The following NBPF10 variants were observed in gnomAD, a reference collection of about 807,000 sequenced individuals.
NBPF10 encodes the protein NBPF family member NBPF10.
Under a neutral mutation model 77.9 loss-of-function variants are expected in NBPF10, and 63 were observed. The observed-to-expected ratio is 0.81, with a 90% confidence interval of 0.66 to 1.00. The LOEUF is 1.00. NBPF10 is among the 50% of genes least tolerant of loss of function. The probability of loss-of-function intolerance (pLI) is 0.00; values close to 1 mark genes in which losing one functional copy is unlikely to be tolerated. For synonymous variants in NBPF10, 146 were observed against 264.5 expected (o/e 0.55, Z 4.35); for missense variants, 522 against 679.8 (o/e 0.77, Z 2.58).
At chr1:146,135,957 C>T (rs1489806907) in intron 7 of NBPF10, among the ~76,000 whole-genome samples, 3 of 149,268 alleles carry the variant, frequency 2.0e-5, no homozygotes, top group African/African-American at 7.5e-5. Context: ...AGGACAGGGT[C>T]GAGAAGGCAA....
exon 14 of NBPF10, chr1:146,126,405 G>C: frequency 7.9e-7 from 1 of 1,260,462 alleles, no homozygotes; most frequent in Non-Finnish European, 1.2e-6. Flanking sequence ...GCTCCCTGCT[G>C]AGCGTGGAAA....
intron 71 of NBPF10, among the ~76,000 whole-genome samples, chr1:146,081,012 C>A (rs1210291932): frequency 1.2e-5 from 1 of 80,608 alleles, no homozygotes; most frequent in African/African-American, 3.3e-5. Context: ...CACACACACA[C>A]ACACACACAC....
At chr1:146,140,856 CCA>C (rs1182018802) in intron 3 of NBPF10, among the ~76,000 whole-genome samples, 1 of 94,842 alleles carries the variant, frequency 1.1e-5, no homozygotes, top group Admixed American at 1.1e-4. Flanking sequence ...CCCCATCCTG[CCA>C]CAGATCTGAT....
At position 146,069,536 on chromosome 1, in the gene NBPF10, T is replaced by C. The variant is rs2102051726; in HGVS notation, c.10810+7A>G. The C allele has an allele frequency of 6.6e-6, 6 of 905,216 alleles. No homozygotes were observed. The East Asian group carries it at 1.0e-4, about 15-fold the overall frequency. The allele number at this position is 905,216 out of a possible 1,614,324, so 56.1% of individuals were successfully genotyped here. A position where few individuals can be genotyped will look rare whatever the true frequency, so the allele number is the denominator to read the frequency against. The stretch of plus-strand genomic sequence containing the variant: ...GATCCTTATCACCTTCATAGAAAGG[T>C]ACTCACCATCCATGTCAACAGCCAA... On this transcript the variant is annotated splice_region_variant and intron_variant, in intron 86 of 89. Transcript: ENST00000583866.
chr1:146,126,264 C>G, exon 14 of NBPF10: 4 of 1,608,578 alleles, frequency 2.5e-6, no homozygotes, highest in East Asian at 2.2e-5. Flanking sequence ...AGCCAACACG[C>G]TGTTGCTCCA....
In NBPF10 at chr1:146,144,614, G is replaced by T. The variant is rs782340587; in HGVS notation, c.156C>A (p.Ala52=). The change falls in exon 1 of 90, where the codon GCC becomes GCA. Residue 52 remains alanine, a synonymous_variant. Coordinates refer to ENST00000583866, the Ensembl canonical transcript of NBPF10. ...TCTTACTGTATTTCTTCTGTCGGTT[G>T]GCCAGGAAGCCGGCCAGTTGAGTTA... 28 of 1,199,266 alleles carry T rather than the reference G, an allele frequency of 2.3e-5. 5 individuals are homozygous for T. The highest frequency in any genetic ancestry group is 3.1e-5 in the Non-Finnish European group (28 of 909,508). The allele number at this position is 1,199,266 out of a possible 1,614,324, so 74.3% of individuals were successfully genotyped here.
chr1:146,133,995 C>T (rs71241904), intron 9 of NBPF10, among the ~76,000 whole-genome samples, 198 bp downstream of exon 9: 4 of 150,736 alleles, frequency 2.7e-5, no homozygotes, highest in East Asian at 2.0e-4. Flanking sequence ...TATCCCTGTA[C>T]GGTGCAGACA....
At chr1:146,069,424 T>G (rs1338202257) in intron 86 of NBPF10, 119 bp downstream of exon 86, 9 of 537,214 alleles carry the variant, frequency 1.7e-5, no homozygotes, top group Middle Eastern at 5.0e-4. Context: ...TACATATGCC[T>G]ATAGGTCCTC....
intron 85 of NBPF10, 30 bp from the exon 86 acceptor site, chr1:146,069,745 G>C (rs782457178): frequency 6.2e-6 from 4 of 643,488 alleles, no homozygotes; most frequent in South Asian, 2.8e-5. Flanking sequence ...TAAAGAATAA[G>C]CCAGGGGGAA....
chr1:146,081,029 A>G (rs1656265266), intron 71 of NBPF10, among the ~76,000 whole-genome samples: 1 of 61,368 alleles, frequency 1.6e-5, no homozygotes, highest in African/African-American at 4.3e-5. Flanking sequence ...ACACACACAC[A>G]CAGAGAGAGA....
chr1:146,126,036 A>G (rs1553789769), intron 14 of NBPF10, among the ~76,000 whole-genome samples, 200 bp downstream of exon 14: 2 of 151,894 alleles, frequency 1.3e-5, no homozygotes, highest in South Asian at 4.2e-4. Flanking sequence ...GCCTGAGACT[A>G]GGAAGAGAGC....
At position 146,126,221 on chromosome 1, in the gene NBPF10, T is replaced by A; in HGVS notation, c.2026+15A>T. On this transcript the variant is annotated intron_variant, in intron 14 of 89. Coordinates refer to ENST00000583866, the Ensembl canonical transcript of NBPF10. ...ACTCAGTGGATCCTTATCACCTTCA[T>A]AGAAAGGTACTCACCATCCATGTCA... 2 of 1,567,842 alleles carry A rather than the reference T, an allele frequency of 1.3e-6. No individual in the cohort carries two copies. Among genetic ancestry groups the A allele is most frequent in the Non-Finnish European group, 1.8e-6 (2 of 1,140,300 alleles).
chr1:146,126,759 A>C (rs61816391), intron 13 of NBPF10, among the ~76,000 whole-genome samples: 86 of 136,594 alleles, frequency 6.3e-4, no homozygotes, highest in African/African-American at 2.3e-3. Flanking sequence ...ATAATTTTGC[A>C]TAAAATGTGC....
At chr1:146,126,529 G>A (rs1553790064) in intron 13 of NBPF10, 121 bp from the exon 14 acceptor site, 2 of 713,182 alleles carry the variant, frequency 2.8e-6, no homozygotes, top group African/African-American at 3.5e-5. Flanking sequence ...ATCCATTAAT[G>A]AGGTAACAAA....
chr1:146,127,195 C>G lies in NBPF10; in HGVS notation c.1802-116G>C, dbSNP rs1658824355. On this transcript the variant is annotated intron_variant, in intron 12 of 89. Transcript: ENST00000583866. Reference sequence around the variant, plus strand: ...GTCTTGTCAGTGTGAGAACAGGAGACTTTCAGAGAAATATTCCAGTAGGCC... The same window carrying G: ...GTCTTGTCAGTGTGAGAACAGGAGAGTTTCAGAGAAATATTCCAGTAGGCC... The G allele has an allele frequency of 8.2e-6, 5 of 611,042 alleles. 1 individual carries two copies. Among genetic ancestry groups the G allele is most frequent in the South Asian group, 4.9e-5 (3 of 61,358 alleles). 37.9% of individuals were successfully genotyped at this position (611,042 alleles called of 1,614,324 possible).
intron 10 of NBPF10, among the ~76,000 whole-genome samples, chr1:146,132,870 T>G (rs2102194910): frequency 1.1e-4 from 1 of 9,428 alleles, no homozygotes; most frequent in Admixed American, 8.8e-4. Flanking sequence ...GCCAAGATGG[T>G]GCCACTGCAC....
At chr1:146,128,000 T>G (rs1372769656) in intron 12 of NBPF10, 119 bp downstream of exon 12, 6 of 1,498,874 alleles carry the variant, frequency 4.0e-6, no homozygotes, top group Non-Finnish European at 5.6e-6. Context: ...CATTGATATA[T>G]AGGTTCAGCC....
At chr1:146,121,828 A>G (rs1658205562) in intron 19 of NBPF10, among the ~76,000 whole-genome samples, 158 bp from the exon 20 acceptor site, 2 of 149,530 alleles carry the variant, frequency 1.3e-5, no homozygotes, top group Admixed American at 1.3e-4. Context: ...GGGATAGAAC[A>G]GGGCCAGGTA....
chr1:146,065,635 TCTC>T (rs1654926250), exon 90 of NBPF10: 1 of 130,624 alleles, frequency 7.7e-6, no homozygotes, highest in Non-Finnish European at 1.6e-5. Context: ...TGACATGCTG[TCTC>T]CTGCCAGCGG....
Sources: allele counts gnomAD v4.1 joint callset (sites outside exome capture counted in the v4.1 genomes callset), GRCh38; gene constraint gnomAD v4.1.1; transcripts MANE v1.5; gene names NCBI Gene and HGNC (gene_info 2026-07-23, HGNC 2026-07-21).